Variants in MTRF1 observed in about 807,000 individuals in gnomAD.
The protein encoded by MTRF1 is peptide chain release factor 1, mitochondrial.
Under a neutral mutation model 62.9 loss-of-function variants are expected in MTRF1, and 51 were observed. That is an observed-to-expected ratio of 0.81 (90% CI 0.65 to 1.02). MTRF1 has a LOEUF of 1.02. Ranked by LOEUF, MTRF1 falls within the 50% of genes least tolerant of loss-of-function variation. MTRF1 has a pLI of 0.00. For synonymous variants in MTRF1, 158 were observed against 181.9 expected (o/e 0.87, Z 1.06); for missense variants, 446 against 530.0 (o/e 0.84, Z 1.56).
At chr13:41,311,591 C>T in the MTRF1 span, 5 of 1,603,342 alleles carry the variant, frequency 3.1e-6, no homozygotes, top group Non-Finnish European at 3.4e-6. Flanking sequence ...TGGTGAGTGG[C>T]CGTAGGCCGC....
At chr13:41,295,086 G>GT in the MTRF1 span, among the ~76,000 whole-genome samples, 13 of 152,090 alleles carry the variant, frequency 8.5e-5, no homozygotes, top group Non-Finnish European at 1.9e-4. Flanking sequence ...ATTGCCTTCT[G>GT]TTTTTTAATC....
intron 6 of MTRF1, among the ~76,000 whole-genome samples, chr13:41,237,575 C>A (rs1369284510): frequency 1.3e-5 from 2 of 152,144 alleles, no homozygotes; most frequent in Non-Finnish European, 2.9e-5. Context: ...CAGCTCACTG[C>A]AACCTCCGCC....
intron 4 of MTRF1, 67 bp from the exon 5 acceptor site, chr13:41,252,819 CT>C: frequency 7.0e-7 from 1 of 1,427,062 alleles, no homozygotes; most frequent in African/African-American, 1.4e-5. Flanking sequence ...AGACTAAGTC[CT>C]TTAGGAAATA....
the MTRF1 span, among the ~76,000 whole-genome samples, chr13:41,273,310 A>G: frequency 2.0e-5 from 3 of 146,532 alleles, no homozygotes; most frequent in Admixed American, 2.1e-4. Context: ...TGGGCTACAG[A>G]GCGAGACTCC....
At chr13:41,242,126 CG>C (rs538031385) in intron 5 of MTRF1, among the ~76,000 whole-genome samples, 7,141 of 151,356 alleles carry the variant, frequency 0.047, 231 homozygotes, top group Non-Finnish European at 0.076. Context: ...AAGATACCAA[CG>C]TTTTTTTTTT....
chr13:41,250,678 C>CAAAATTT (rs770253477), intron 5 of MTRF1, among the ~76,000 whole-genome samples: 38 of 152,136 alleles, frequency 2.5e-4, no homozygotes, highest in Middle Eastern at 3.4e-3. Flanking sequence ...ATTGTTAGTA[C>CAAAATTT]AGACGGGGTT....
At chr13:41,303,497 G>A in the MTRF1 span, among the ~76,000 whole-genome samples, 1 of 152,182 alleles carries the variant, frequency 6.6e-6, no homozygotes, top group African/African-American at 2.4e-5. Context: ...GAATTATCTA[G>A]ATAATCTACA....
At chr13:41,309,809 C>G in the MTRF1 span, among the ~76,000 whole-genome samples, 1,404 of 152,134 alleles carry the variant, frequency 9.2e-3, 25 homozygotes, top group African/African-American at 0.032. Context: ...CCAGCCTGAC[C>G]AACATGGAGA....
chr13:41,288,142 A>T, the MTRF1 span: 1 of 510,452 alleles, frequency 2.0e-6, no homozygotes, highest in South Asian at 1.5e-5. Flanking sequence ...CTTCTTGTCC[A>T]GATGTATCCC....
chr13:41,246,967 A>T (rs922564883), intron 5 of MTRF1, among the ~76,000 whole-genome samples: 6 of 152,228 alleles, frequency 3.9e-5, no homozygotes, highest in African/African-American at 1.4e-4. Flanking sequence ...TGTAAATAAT[A>T]ATAGTATATA....
chr13:41,304,958 G>C, the MTRF1 span, among the ~76,000 whole-genome samples: 1 of 152,294 alleles, frequency 6.6e-6, no homozygotes, highest in Middle Eastern at 3.4e-3. Flanking sequence ...TCACAACGCA[G>C]AACAAATGAA....
At chr13:41,228,403 A>C (rs1324825674) in intron 7 of MTRF1, among the ~76,000 whole-genome samples, 2 of 152,216 alleles carry the variant, frequency 1.3e-5, no homozygotes, top group South Asian at 2.1e-4. Flanking sequence ...TTTCGTCTCT[A>C]CTAAAAATAC....
intron 1 of MTRF1, chr13:41,261,319 A>G (rs2040431984): frequency 6.4e-6 from 1 of 155,282 alleles, no homozygotes; most frequent in South Asian, 2.0e-4. Context: ...GGGGGACAAT[A>G]CCAAGACTTC....
At chr13:41,266,973 GCC>G (rs1566204634), upstream of MTRF1, among the ~76,000 whole-genome samples, 1 of 140,802 alleles carries the variant, frequency 7.1e-6, no homozygotes, top group African/African-American at 2.8e-5. Context: ...CTCCAGCCTG[GCC>G]AACAGAGCGA....
At chr13:41,228,440 C>G (rs1449097648) in intron 7 of MTRF1, among the ~76,000 whole-genome samples, 2 of 152,120 alleles carry the variant, frequency 1.3e-5, no homozygotes, top group Non-Finnish European at 2.9e-5. Flanking sequence ...GGTAGCTGCA[C>G]CTATAGTCCC....
the MTRF1 span, among the ~76,000 whole-genome samples, chr13:41,308,126 G>C: frequency 1.1e-4 from 16 of 152,214 alleles, no homozygotes; most frequent in Admixed American, 3.3e-4. Context: ...GGAGAGCAAT[G>C]GTGAATGAGG....
intron 5 of MTRF1, among the ~76,000 whole-genome samples, chr13:41,246,831 A>T (rs991518676): frequency 6.6e-6 from 1 of 152,198 alleles, no homozygotes; most frequent in Non-Finnish European, 1.5e-5. Context: ...ATAAGAGAAG[A>T]CTGTGACTTA....
intron 9 of MTRF1, among the ~76,000 whole-genome samples, chr13:41,217,479 CAAAG>C (rs1419396061): frequency 6.6e-6 from 1 of 152,124 alleles, no homozygotes; most frequent in Non-Finnish European, 1.5e-5. Context: ...GACAACAAAA[CAAAG>C]AGATCTAGAT....
intron 3 of MTRF1, 43 bp from the exon 4 acceptor site, chr13:41,253,073 C>T: frequency 7.1e-7 from 1 of 1,413,778 alleles, no homozygotes; most frequent in Non-Finnish European, 9.8e-7. Flanking sequence ...TTCCCCGGTA[C>T]ACTATTACTG....
Sources: gnomAD v4.1 joint callset for allele counts (sites outside exome capture counted in the v4.1 genomes callset) on GRCh38, gnomAD v4.1.1 for gene constraint, MANE v1.5 for transcripts, NCBI Gene and HGNC (gene_info 2026-07-23, HGNC 2026-07-21) for gene names.